HS6ST3: variants seen among roughly 807,000 people sequenced by gnomAD.
The protein encoded by HS6ST3 is heparan sulfate 6-O-sulfotransferase 3, also known as heparan-sulfate 6-O-sulfotransferase 3.
In HS6ST3, 12 loss-of-function variants were observed where a neutral mutation model predicts 36.7. That is an observed-to-expected ratio of 0.33 (90% confidence interval 0.21 to 0.53). The LOEUF is 0.53. HS6ST3 is among the 20% of genes least tolerant of loss of function. HS6ST3 has a pLI of 0.95. For synonymous variants in HS6ST3, 240 were observed against 257.5 expected (o/e 0.93, Z 0.65); for missense variants, 584 against 640.9 (o/e 0.91, Z 0.96).
intron 1 of HS6ST3, among the ~76,000 whole-genome samples, chr13:96,354,426 TAATTTC>T (rs1399644329): frequency 6.6e-6 from 1 of 152,212 alleles, no homozygotes; most frequent in African/African-American, 2.4e-5. Flanking sequence ...AAAAAAATCT[TAATTTC>T]AATCATTATT....
chr13:96,496,222 A>T (rs2055974944), intron 1 of HS6ST3, among the ~76,000 whole-genome samples: 1 of 152,116 alleles, frequency 6.6e-6, no homozygotes, highest in Non-Finnish European at 1.5e-5. Context: ...TATTCATTTT[A>T]TTATTGAATT....
intron 1 of HS6ST3, among the ~76,000 whole-genome samples, chr13:96,263,842 C>A (rs1032986395): frequency 1.3e-5 from 2 of 152,186 alleles, no homozygotes; most frequent in African/African-American, 4.8e-5. Flanking sequence ...ACAGTGTTTT[C>A]TTGATTAACA....
chr13:96,258,799 A>G (rs1218217927), intron 1 of HS6ST3, among the ~76,000 whole-genome samples: 3 of 152,202 alleles, frequency 2.0e-5, no homozygotes, highest in Non-Finnish European at 4.4e-5. Context: ...TAATTATTAT[A>G]TGTCAGTTAC....
chr13:96,830,923 G>T (rs995873095), intron 1 of HS6ST3, among the ~76,000 whole-genome samples: 5 of 152,192 alleles, frequency 3.3e-5, no homozygotes, highest in Admixed American at 2.6e-4. Context: ...GGCTGCAGTG[G>T]GATGTGAGAG....
In HS6ST3 at chr13:96,119,052, T is replaced by C. The variant is rs376952097; in HGVS notation, c.707+27483T>C. Among the ~76,000 whole-genome samples the C allele has an allele frequency of 1.8e-4, 28 of 152,178 alleles. No homozygotes were observed. The East Asian group carries it at 4.3e-3, about 23-fold the overall frequency. ...TGGAGAATTATGAGTGGAAAAAATA[T>C]AAAGGACAAGATGAATAGCTTATGT... is the stretch of plus-strand genomic sequence containing the variant. On this transcript the variant is annotated intron_variant, in intron 1 of 1. Coordinates refer to ENST00000376705, the MANE Select transcript of HS6ST3 (RefSeq NM_153456.4).
intron 1 of HS6ST3, among the ~76,000 whole-genome samples, chr13:96,826,101 A>G (rs1207415309): frequency 1.3e-5 from 2 of 152,234 alleles, no homozygotes; most frequent in African/African-American, 4.8e-5. Flanking sequence ...ACAGTAGGGA[A>G]GAAAACCAGT....
At chr13:96,805,110 T>A (rs887387512) in intron 1 of HS6ST3, among the ~76,000 whole-genome samples, 2 of 152,232 alleles carry the variant, frequency 1.3e-5, no homozygotes, top group Non-Finnish European at 2.9e-5. Flanking sequence ...ATGAATGTGC[T>A]TTGGAGCTTT....
intron 1 of HS6ST3, among the ~76,000 whole-genome samples, chr13:96,781,707 T>G (rs548454057): frequency 6.6e-6 from 1 of 152,194 alleles, no homozygotes; most frequent in South Asian, 2.1e-4. Context: ...AAACAACTTA[T>G]GTTGTCTTTG....
chr13:96,300,304 G>A (rs950755309), intron 1 of HS6ST3, among the ~76,000 whole-genome samples: 7 of 151,696 alleles, frequency 4.6e-5, no homozygotes, highest in South Asian at 2.1e-4. Context: ...TGATCCACCC[G>A]TCTCGGCCTC....
At chr13:96,728,588 G>A (rs552123785) in intron 1 of HS6ST3, among the ~76,000 whole-genome samples, 11 of 152,292 alleles carry the variant, frequency 7.2e-5, no homozygotes, top group Admixed American at 3.9e-4. Flanking sequence ...ATAGAATAGT[G>A]AGTCATTTTC....
intron 1 of HS6ST3, among the ~76,000 whole-genome samples, chr13:96,716,259 A>G (rs1875693761): frequency 1.3e-5 from 2 of 152,282 alleles, no homozygotes; most frequent in Middle Eastern, 3.4e-3. Context: ...ATTTTTGTAA[A>G]GTAGAAATTA....
intron 1 of HS6ST3, among the ~76,000 whole-genome samples, chr13:96,560,988 C>T (rs1439524179): frequency 6.6e-6 from 1 of 152,094 alleles, no homozygotes; most frequent in Non-Finnish European, 1.5e-5. Flanking sequence ...AGATTCAACA[C>T]TATTTCTATC....
intron 1 of HS6ST3, among the ~76,000 whole-genome samples, chr13:96,514,164 G>A (rs1229182473): frequency 6.6e-6 from 1 of 152,074 alleles, no homozygotes; most frequent in Non-Finnish European, 1.5e-5. Flanking sequence ...GCAGAAGAGG[G>A]GGACAGAGAG....
At chr13:96,558,445 G>C (rs1241355794) in intron 1 of HS6ST3, among the ~76,000 whole-genome samples, 2 of 152,168 alleles carry the variant, frequency 1.3e-5, no homozygotes, top group Non-Finnish European at 2.9e-5. Context: ...TCTCACAGCA[G>C]GTAGATAACA....
intron 1 of HS6ST3, among the ~76,000 whole-genome samples, chr13:96,603,092 G>A (rs2056427249): frequency 6.6e-6 from 1 of 152,048 alleles, no homozygotes; most frequent in African/African-American, 2.4e-5. Flanking sequence ...GATTGATGGA[G>A]CATCTTACTC....
At chr13:96,470,826 T>C (rs1235527006) in intron 1 of HS6ST3, among the ~76,000 whole-genome samples, 2 of 152,200 alleles carry the variant, frequency 1.3e-5, no homozygotes. Context: ...CCTTACATCC[T>C]TTTTGGTAAA....
chr13:96,747,136 G>T (rs2138489307), intron 1 of HS6ST3, among the ~76,000 whole-genome samples: 1 of 152,128 alleles, frequency 6.6e-6, no homozygotes, highest in Non-Finnish European at 1.5e-5. Context: ...GCAGATTGCT[G>T]ATGCATTCCA....
intron 1 of HS6ST3, among the ~76,000 whole-genome samples, chr13:96,805,747 T>A (rs1278544492): frequency 6.6e-6 from 1 of 152,230 alleles, no homozygotes; most frequent in Non-Finnish European, 1.5e-5. Flanking sequence ...AGCTTGATAT[T>A]TCTCCAGGAA....
intron 1 of HS6ST3, among the ~76,000 whole-genome samples, chr13:96,405,779 G>C (rs2055475334): frequency 6.6e-6 from 1 of 152,212 alleles, no homozygotes; most frequent in East Asian, 1.9e-4. Flanking sequence ...TGCAAGAACA[G>C]TAGATTTCGG....
Sources: allele counts gnomAD v4.1 joint callset (sites outside exome capture counted in the v4.1 genomes callset), GRCh38; gene constraint gnomAD v4.1.1; transcripts MANE v1.5; gene names NCBI Gene and HGNC (gene_info 2026-07-23, HGNC 2026-07-21).